The following ZNF384 variants were observed in gnomAD, a reference collection of about 807,000 sequenced individuals.
ZNF384 encodes the protein CAG repeat protein 1.
Under a neutral mutation model 65.0 loss-of-function variants are expected in ZNF384, and 20 were observed. That is an observed-to-expected ratio of 0.31 (90% CI 0.22 to 0.45). ZNF384 has a LOEUF of 0.45. Ranked by LOEUF, ZNF384 falls within the 20% of genes least tolerant of loss-of-function variation. The probability of loss-of-function intolerance (pLI) is 1.00; values close to 1 mark genes in which losing one functional copy is unlikely to be tolerated. For missense variants in ZNF384, 549 were observed against 769.4 expected (o/e 0.71, Z 3.39); for synonymous variants, 310 against 303.9 (o/e 1.02, Z -0.21).
rs373854865 is a variant in ZNF384 at position 6,672,503 on chromosome 12, A to G, written c.1034T>C (p.Ile345Thr). 25 of 1,613,112 alleles carry G rather than the reference A, an allele frequency of 1.5e-5. No homozygotes were observed. The highest frequency in any genetic ancestry group is 1.1e-4 in the African/African-American group (8 of 74,816). Residue 345 changes from isoleucine (I) to threonine (T), a missense_variant, in exon 9 of 12, where the codon ATC (isoleucine) becomes ACC (threonine). By Grantham distance (89) the Ile-to-Thr change is moderately conservative. This residue lies in a region of ZNF384 where 59 missense variants were observed against 63.6 expected (regional missense o/e 0.93). Transcript: ENST00000683879. The surrounding 1 kb of genome is among the most constrained non-coding windows in gnomAD (Gnocchi z 4.4). ...GCAGTGCGGGCACTTGTGGGGCTTG[A>G]TGGTCTCCGTGTGCATCTTGGAGTG... ...RIHSKMHTET[I>T]KPHKCPHCSK...
chr12:6,670,748 T>C lies in ZNF384; in HGVS notation c.1266+12A>G, dbSNP rs763017132. ...CAGACTCAAGGTCTTGTGTGGAGGG[T>C]GGAACATTTACCTGCAGATTGGAGA... On this transcript the variant is annotated intron_variant, in intron 10 of 11. Transcript: ENST00000683879. 2 of 1,613,468 alleles carry C rather than the reference T, an allele frequency of 1.2e-6. No individual in the cohort carries two copies. The highest frequency in any genetic ancestry group is 1.7e-6 in the Non-Finnish European group (2 of 1,179,588).
intron 3 of ZNF384, 117 bp downstream of exon 3, chr12:6,679,338 T>C: frequency 8.2e-7 from 1 of 1,221,842 alleles, no homozygotes; most frequent in Non-Finnish European, 1.2e-6. Context: ...GCAGAAACAC[T>C]AGATAATTCT....
Position 6,667,972 on chromosome 12 carries a change from GGCCTGGGCTTGA to G in ZNF384, c.1557_1568del (p.Gln524_Ala527del), listed in dbSNP as rs2136343955. 2 of 1,611,990 alleles carry G rather than the reference GGCCTGGGCTTGA, an allele frequency of 1.2e-6. No individual in the cohort carries two copies. The highest frequency in any genetic ancestry group is 8.5e-7 in the Non-Finnish European group (1 of 1,178,796). ...GTGATGCCTGGGAGGCCTGGGCCTG[GGCCTGGGCTTGA>G]GCCTGAGCCTGAGCCTGGGCTTGAG... On this transcript the variant is annotated inframe_deletion, in exon 12 of 12. Coordinates refer to ENST00000683879, the MANE Select transcript of ZNF384 (RefSeq NM_001385745.1).
At chr12:6,675,072 C>T (rs182465424) in intron 7 of ZNF384, among the ~76,000 whole-genome samples, 122 of 152,246 alleles carry the variant, frequency 8.0e-4, no homozygotes, top group Non-Finnish European at 3.4e-4. Flanking sequence ...ACAATTCTGC[C>T]CTTAACATTA....
Position 6,669,134 on chromosome 12 carries a change from C to T in ZNF384, c.1322G>A (p.Arg441Gln), listed in dbSNP as rs1355451508. The T allele has an allele frequency of 6.2e-6, 10 of 1,613,618 alleles. No individual in the cohort carries two copies. Among genetic ancestry groups the T allele is most frequent in the South Asian group, 1.1e-5 (1 of 90,986 alleles). ...DKPFKCHNCH[R>Q]AYTDAASLEV... is the part of the protein sequence containing the mutation. Reference sequence around the variant, plus strand: ...TAGTGAGGCTGCATCCGTGTACGCCCGATGACAGTTGTGGCACTTGAAGGG... The same window carrying T: ...TAGTGAGGCTGCATCCGTGTACGCCTGATGACAGTTGTGGCACTTGAAGGG... The change falls in exon 11 of 12, where the codon CGG becomes CAG. Residue 441 changes from arginine to glutamine, a missense_variant. Transcript: ENST00000683879.
chr12:6,669,943 C>T (rs1332687695), intron 10 of ZNF384, among the ~76,000 whole-genome samples: 3 of 127,362 alleles, frequency 2.4e-5, no homozygotes, highest in African/African-American at 5.1e-5. Context: ...CGCGCGCGCG[C>T]ACACACACAC....
intron 2 of ZNF384, among the ~76,000 whole-genome samples, chr12:6,687,564 C>A (rs556312099): frequency 6.6e-6 from 1 of 152,112 alleles, no homozygotes; most frequent in Admixed American, 6.6e-5. Context: ...TCAGGCTACC[C>A]GAAACTCTTC....
chr12:6,671,438 A>AT, intron 9 of ZNF384: 1 of 152,690 alleles, frequency 6.5e-6, no homozygotes, highest in Non-Finnish European at 1.5e-5. Context: ...CCCTCTGCTA[A>AT]GATGAGCCAA....
At position 6,667,685 on chromosome 12, in the gene ZNF384, C is replaced by A. The variant is rs1950067133; in HGVS notation, c.*29G>T. ...AAGAAGACACCAGGACTACTTCTTC[C>A]TCTTCCCAGTGGGTGGCAGCACGGA... On this transcript the variant is annotated 3_prime_UTR_variant, in exon 12 of 12. Transcript: ENST00000683879. 6.2e-7 allele frequency: 1 copy of A among 1,613,860 alleles called. No individual in the cohort carries two copies.
intron 2 of ZNF384, among the ~76,000 whole-genome samples, chr12:6,683,895 T>C (rs906374482): frequency 2.0e-5 from 3 of 152,048 alleles, no homozygotes; most frequent in Non-Finnish European, 4.4e-5. Context: ...CGCACGCCTG[T>C]AGTCCCAGCT....
At chr12:6,668,205 A>AC in intron 11 of ZNF384, 90 bp from the exon 12 acceptor site, 1 of 1,308,682 alleles carries the variant, frequency 7.6e-7, no homozygotes, top group Non-Finnish European at 1.1e-6. Context: ...ATTCTGCTGT[A>AC]AGCAGAGTAA....
rs773477921 is a variant in ZNF384, at chr12:6,678,477, AAGG to A, written c.353-20_353-18del. The stretch of plus-strand genomic sequence containing the variant: ...AACCCGGACCTAGGATTGGGAGAAA[AAGG>A]AGATGGCGTCATGTTGTTCAGTCCT... On this transcript the variant is annotated intron_variant, in intron 5 of 11. Coordinates refer to ENST00000683879, the MANE Select transcript of ZNF384 (RefSeq NM_001385745.1). This position sits in a 1 kb window ranked among gnomAD's most constrained non-coding sequence, Gnocchi z 4.9. 7 of 1,568,738 alleles carry A rather than the reference AAGG, an allele frequency of 4.5e-6. No individual in the cohort carries two copies. The highest frequency in any genetic ancestry group is 6.1e-6 in the Non-Finnish European group (7 of 1,154,738).
At position 6,673,730 on chromosome 12, in the gene ZNF384, T is replaced by C. The variant is rs1952437233; in HGVS notation, c.780-290A>G. ...AACTCTGGGCAGATGCGAATTTCAATGGGCCAGGAATATCAGTTAACTTGT... is the reference window on the plus strand; with the variant it reads ...AACTCTGGGCAGATGCGAATTTCAACGGGCCAGGAATATCAGTTAACTTGT... On this transcript the variant is annotated intron_variant, in intron 7 of 11. Coordinates refer to ENST00000683879, the MANE Select transcript of ZNF384 (RefSeq NM_001385745.1). The surrounding 1 kb of genome is among the most constrained non-coding windows in gnomAD (Gnocchi z 4.7). Among the ~76,000 whole-genome samples, 1 of 152,220 alleles carries C rather than the reference T, an allele frequency of 6.6e-6. No homozygotes were observed. Among genetic ancestry groups the C allele is most frequent in the Non-Finnish European group, 1.5e-5 (1 of 68,036 alleles).
chr12:6,669,538 C>T (rs935036951), intron 10 of ZNF384, among the ~76,000 whole-genome samples: 2 of 150,902 alleles, frequency 1.3e-5, no homozygotes, highest in Non-Finnish European at 2.9e-5. Flanking sequence ...CTCACTCTGT[C>T]GCTCAGGTTG....
In ZNF384 at chr12:6,672,159, C is replaced by T; in HGVS notation, c.1187+191G>A. ...TGCAGCTCCCCGACGTAGCTCTTGC[C>T]CCAGAGAAGCTCTGTGTCCACTTGA... On this transcript the variant is annotated intron_variant, in intron 9 of 11. Transcript: ENST00000683879. This position sits in a 1 kb window ranked among gnomAD's most constrained non-coding sequence, Gnocchi z 4.4. The T allele has an allele frequency of 1.7e-6, 1 of 604,874 alleles. No individual in the cohort carries two copies. Among genetic ancestry groups the T allele is most frequent in the South Asian group, 2.0e-5 (1 of 48,824 alleles). The allele number at this position is 604,874 out of a possible 1,614,324, so 37.5% of individuals were successfully genotyped here. A position where few individuals can be genotyped will look rare whatever the true frequency, so the allele number is the denominator to read the frequency against.
Position 6,678,979 on chromosome 12 carries a change from C to T in ZNF384, c.271G>A (p.Val91Ile), listed in dbSNP as rs1452624915. Residue 91 changes from valine (V) to isoleucine (I), a missense_variant, in exon 4 of 12, where the codon GTC becomes ATC. By Grantham distance (29) the Val-to-Ile change is conservative. Transcript: ENST00000683879. This position sits in a 1 kb window ranked among gnomAD's most constrained non-coding sequence, Gnocchi z 4.9. ...ATCAGTCCTGTAGACGGCACAGGGACCACCGTGATATTCTGGGTAACGGAC... is the reference window on the plus strand; with the variant it reads ...ATCAGTCCTGTAGACGGCACAGGGATCACCGTGATATTCTGGGTAACGGAC... The part of the protein sequence containing the change: ...QASVTQNITV[V>I]PVPSTGLMTA... The T allele has an allele frequency of 6.2e-7, 1 of 1,613,932 alleles. No individual in the cohort carries two copies. Among genetic ancestry groups the T allele is most frequent in the Non-Finnish European group, 8.5e-7 (1 of 1,180,020 alleles).
Position 6,672,576 on chromosome 12 carries a change from C to G in ZNF384, c.1005-44G>C, listed in dbSNP as rs545245662. Reference sequence around the variant, plus strand: ...GGGAAGGGGGGAGGAGGAAGCAGTTCGACACCAGGGGCTCAGCTCTCTGCT... The same window carrying G: ...GGGAAGGGGGGAGGAGGAAGCAGTTGGACACCAGGGGCTCAGCTCTCTGCT... On this transcript the variant is annotated intron_variant, in intron 8 of 11. Coordinates refer to ENST00000683879, the MANE Select transcript of ZNF384 (RefSeq NM_001385745.1). The surrounding 1 kb of genome is among the most constrained non-coding windows in gnomAD (Gnocchi z 4.4). 2.5e-6 allele frequency: 4 copies of G among 1,583,936 alleles called. No individual in the cohort carries two copies. The highest frequency in any genetic ancestry group is 1.1e-5 in the South Asian group (1 of 88,776).
At chr12:6,671,218 C>A (rs889777717) in intron 9 of ZNF384, among the ~76,000 whole-genome samples, 3 of 152,206 alleles carry the variant, frequency 2.0e-5, no homozygotes, top group Admixed American at 6.5e-5. Flanking sequence ...CTTGGCCCCA[C>A]CTTATGGCCA....
At chr12:6,681,148 G>A (rs1170626042) in intron 2 of ZNF384, among the ~76,000 whole-genome samples, 1 of 151,930 alleles carries the variant, frequency 6.6e-6, no homozygotes, top group Non-Finnish European at 1.5e-5. Context: ...GAACCCAGGA[G>A]GCGGAGGTTG....
Sources: allele counts gnomAD v4.1 joint callset (sites outside exome capture counted in the v4.1 genomes callset), GRCh38; gene constraint gnomAD v4.1.1; regional missense constraint gnomAD v4.1.1; non-coding constraint Gnocchi (gnomAD v3.1); transcripts MANE v1.5; gene names NCBI Gene and HGNC (gene_info 2026-07-23, HGNC 2026-07-21).